COP1: variants seen among roughly 807,000 people sequenced by gnomAD.
COP1 encodes COP1 E3 ubiquitin ligase, also known as E3 ubiquitin-protein ligase COP1.
COP1 carries 24 observed loss-of-function variants against 101.3 expected under a neutral mutation model. The observed-to-expected ratio is 0.24, with a 90% CI of 0.17 to 0.33. The LOEUF is 0.33. COP1 is among the 10% of genes least tolerant of loss of function. The pLI is 1.00. For missense variants in COP1, 663 were observed against 906.2 expected, an observed-to-expected ratio of 0.73 and a Z score of 3.45; for synonymous variants, 347 against 341.9, an observed-to-expected ratio of 1.01 and a Z score of -0.17.
intron 18 of COP1, among the ~76,000 whole-genome samples, chr1:175,972,044 G>A (rs1216231885): frequency 6.6e-6 from 1 of 152,174 alleles, no homozygotes; most frequent in Non-Finnish European, 1.5e-5. Flanking sequence ...ATGTGACAGA[G>A]ATGGGATCTT....
chr1:176,062,518 T>G (rs563907977), intron 11 of COP1, among the ~76,000 whole-genome samples: 28 of 152,334 alleles, frequency 1.8e-4, no homozygotes, highest in African/African-American at 6.7e-4. Flanking sequence ...GAACTGGAAT[T>G]TTTTAAACTG....
At chr1:176,153,507 C>T (rs1692951729) in intron 5 of COP1, among the ~76,000 whole-genome samples, 1 of 152,132 alleles carries the variant, frequency 6.6e-6, no homozygotes, top group Admixed American at 6.5e-5. Flanking sequence ...ATGGGATTTT[C>T]TAGGTATAGA....
chr1:176,120,915 CGAT>C (rs1367304935), intron 8 of COP1, among the ~76,000 whole-genome samples: 2 of 151,866 alleles, frequency 1.3e-5, no homozygotes, highest in East Asian at 1.9e-4. Context: ...AATTTTTAAT[CGAT>C]GAGCAAAAAT....
At chr1:176,015,935 A>G (rs1401301280) in intron 15 of COP1, among the ~76,000 whole-genome samples, 2 of 152,184 alleles carry the variant, frequency 1.3e-5, no homozygotes, top group Non-Finnish European at 2.9e-5. Flanking sequence ...TTTTTTAAAA[A>G]GAGGATGACA....
chr1:176,005,563 G>T (rs1158693113), intron 15 of COP1, among the ~76,000 whole-genome samples: 54 of 150,936 alleles, frequency 3.6e-4, no homozygotes, highest in African/African-American at 1.2e-3. Context: ...CTTTGTTCTT[G>T]TTGTTTTCAA....
At chr1:176,072,357 G>A (rs955327013) in intron 11 of COP1, among the ~76,000 whole-genome samples, 1 of 152,112 alleles carries the variant, frequency 6.6e-6, no homozygotes, top group Non-Finnish European at 1.5e-5. Flanking sequence ...ACAGACATAG[G>A]AATATGCAAG....
intron 14 of COP1, among the ~76,000 whole-genome samples, chr1:176,037,023 GA>G (rs1669679048): frequency 6.6e-6 from 1 of 152,110 alleles, no homozygotes. Context: ...ATCTACTAAG[GA>G]AATTAAATTC....
Position 176,047,868 on chromosome 1 carries a change from A to G in COP1, c.1278-1544T>C, listed in dbSNP as rs578101988. On this transcript the variant is annotated intron_variant, in intron 11 of 19. Coordinates refer to ENST00000367669, the MANE Select transcript of COP1 (RefSeq NM_022457.7). ...GGTGGGAGGATCCCTTGAGTCCAGG[A>G]GTTTGAGACCAGCCTGGCAACATAG... is the stretch of plus-strand genomic sequence containing the variant. 8.5e-5 allele frequency among the ~76,000 whole-genome samples: 13 copies of G among 152,234 alleles called. No homozygotes were observed. The East Asian group carries it at 2.5e-3, about 29-fold the overall frequency.
intron 3 of COP1, among the ~76,000 whole-genome samples, chr1:176,168,472 G>T (rs1043497517): frequency 6.5e-5 from 9 of 138,780 alleles, no homozygotes; most frequent in Non-Finnish European, 1.4e-4. Flanking sequence ...GAGGGAGGAA[G>T]GGAGGAAGGC....
intron 14 of COP1, among the ~76,000 whole-genome samples, chr1:176,037,808 C>A (rs934622058): frequency 6.6e-6 from 1 of 152,118 alleles, no homozygotes; most frequent in African/African-American, 2.4e-5. Flanking sequence ...CAGGTGCCTA[C>A]TAAAAGCCTA....
At chr1:176,183,490 A>G (rs568238164) in intron 2 of COP1, among the ~76,000 whole-genome samples, 1 of 152,336 alleles carries the variant, frequency 6.6e-6, no homozygotes, top group African/African-American at 2.4e-5. Context: ...TGGAACTCTT[A>G]TGCACTGTTG....
chr1:176,058,541 A>G (rs1674245691), intron 11 of COP1, among the ~76,000 whole-genome samples: 1 of 152,160 alleles, frequency 6.6e-6, no homozygotes, highest in South Asian at 2.1e-4. Context: ...TGCTTTGTTA[A>G]ACAGATGATT....
chr1:176,164,584 A>G (rs973012503), intron 3 of COP1, among the ~76,000 whole-genome samples: 3 of 152,196 alleles, frequency 2.0e-5, no homozygotes, highest in Non-Finnish European at 2.9e-5. Flanking sequence ...CCATGCCTTC[A>G]TAAGGGGATG....
At chr1:175,990,338 T>C (rs1441302193) in intron 15 of COP1, among the ~76,000 whole-genome samples, 1 of 152,168 alleles carries the variant, frequency 6.6e-6, no homozygotes. Flanking sequence ...TTTAAATTTA[T>C]TGACAGAAAA....
At chr1:176,152,622 A>T (rs554217606) in intron 5 of COP1, among the ~76,000 whole-genome samples, 1 of 152,066 alleles carries the variant, frequency 6.6e-6, no homozygotes, top group East Asian at 1.9e-4. Context: ...TAATTTTTGT[A>T]TTTTTAGTAG....
intron 2 of COP1, among the ~76,000 whole-genome samples, chr1:176,177,903 CAAAGT>C (rs1451307039): frequency 6.6e-6 from 1 of 152,140 alleles, no homozygotes; most frequent in African/African-American, 2.4e-5. Context: ...TGTGAAGAAT[CAAAGT>C]AACAGTGGTC....
intron 1 of COP1, among the ~76,000 whole-genome samples, chr1:176,195,549 G>A (rs773502328): frequency 2.0e-5 from 3 of 152,188 alleles, no homozygotes; most frequent in South Asian, 2.1e-4. Flanking sequence ...GACCATTAGC[G>A]AAGATAAAGC....
At chr1:176,099,713 A>C (rs1253743533) in intron 9 of COP1, among the ~76,000 whole-genome samples, 1 of 152,204 alleles carries the variant, frequency 6.6e-6, no homozygotes, top group African/African-American at 2.4e-5. Flanking sequence ...TAAGGAGTCA[A>C]GCTCGACTTG....
chr1:176,083,149 G>A (rs1679494693), intron 10 of COP1, among the ~76,000 whole-genome samples: 1 of 152,122 alleles, frequency 6.6e-6, no homozygotes, highest in Non-Finnish European at 1.5e-5. Flanking sequence ...AATAGTTAAT[G>A]ATTCTTTTTA....
Sources: gnomAD v4.1 joint callset for allele counts (sites outside exome capture counted in the v4.1 genomes callset) on GRCh38, gnomAD v4.1.1 for gene constraint, MANE v1.5 for transcripts, NCBI Gene and HGNC (gene_info 2026-07-23, HGNC 2026-07-21) for gene names.